Variants in ZDHHC3 observed in about 807,000 individuals in gnomAD.
ZDHHC3 encodes palmitoyltransferase ZDHHC3.
Under a neutral mutation model 30.6 loss-of-function variants are expected in ZDHHC3, and 9 were observed. The ratio of observed to expected loss-of-function variants is 0.29; its 90% confidence interval spans 0.18 to 0.51. The LOEUF (loss-of-function observed/expected upper bound fraction) is 0.51, where lower values mean the gene tolerates loss of function less well. Among genes scored for constraint, ZDHHC3 ranks in the 20% least tolerant of loss-of-function variants. ZDHHC3 has a pLI of 0.97. For missense variants in ZDHHC3, 246 were observed against 384.2 expected (o/e 0.64, Z 3.01); for synonymous variants, 136 against 140.2 (o/e 0.97, Z 0.21).
At chr3:44,956,532 T>C (rs928946137) in intron 2 of ZDHHC3, among the ~76,000 whole-genome samples, 2 of 152,160 alleles carry the variant, frequency 1.3e-5, no homozygotes, top group Non-Finnish European at 2.9e-5. Context: ...ACGTGGGAGC[T>C]CTAAAGCATT....
At chr3:44,970,637 C>T (rs1208087885) in intron 1 of ZDHHC3, among the ~76,000 whole-genome samples, 3 of 152,148 alleles carry the variant, frequency 2.0e-5, no homozygotes, top group Admixed American at 6.5e-5. Context: ...CCTCTTTTCC[C>T]GATTTGCTAA....
rs145006462 is a variant in ZDHHC3 at position 44,967,934 on chromosome 3, C to T, written c.-25+7999G>A. Among the ~76,000 whole-genome samples the T allele has an allele frequency of 6.5e-4, 99 of 152,316 alleles. No homozygotes were observed. In the East Asian group the frequency reaches 0.013, roughly 21 times the overall value. ...GAATGCCTATTATGCTTCAGGACTA[C>T]GCAAAGCAGCTCGTTTTAATTCTTA... On this transcript the variant is annotated intron_variant, in intron 1 of 6. Coordinates refer to ENST00000424952, the MANE Select transcript of ZDHHC3 (RefSeq NM_001135179.2).
chr3:44,961,615 C>T lies in ZDHHC3; in HGVS notation c.-24-2155G>A, dbSNP rs566768556. Among the ~76,000 whole-genome samples the T allele has an allele frequency of 5.9e-5, 9 of 152,228 alleles. No individual in the cohort carries two copies. In the East Asian group the frequency reaches 1.7e-3, roughly 29 times the overall value. On this transcript the variant is annotated intron_variant, in intron 1 of 6. Transcript: ENST00000424952. The stretch of plus-strand genomic sequence containing the variant: ...AGATCAGGAATGTCTGGGACCTGAC[C>T]TGTGCCCAGCAAATTCTAAAATTAC...
At position 44,945,161 on chromosome 3, in the gene ZDHHC3, A is replaced by G; in HGVS notation, c.431+7T>C. ...AGAAGAGAGGAGGCGAGCCCCAGTG[A>G]GTGTACCTGCAGTGGTGGGCTCGGT... On this transcript the variant is annotated splice_region_variant and intron_variant, in intron 3 of 6. Coordinates refer to ENST00000424952, the MANE Select transcript of ZDHHC3 (RefSeq NM_001135179.2). The G allele has an allele frequency of 6.2e-7, 1 of 1,613,756 alleles. No individual in the cohort carries two copies. Among genetic ancestry groups the G allele is most frequent in the Non-Finnish European group, 8.5e-7 (1 of 1,180,008 alleles).
In ZDHHC3 at chr3:44,917,800, G is replaced by C; in HGVS notation, c.*8889C>G. On this transcript the variant is annotated 3_prime_UTR_variant, in exon 7 of 7. Coordinates refer to ENST00000424952, the MANE Select transcript of ZDHHC3 (RefSeq NM_001135179.2). ...GGCTAAGGGAAGCACTGGGGGTGCT[G>C]GGAGCGCACCATGCCCATAAGCCCC... The C allele has an allele frequency of 8.2e-7, 1 of 1,222,040 alleles. No individual in the cohort carries two copies. The highest frequency in any genetic ancestry group is 1.1e-6 in the Non-Finnish European group (1 of 944,496). 75.7% of individuals were successfully genotyped at this position (1,222,040 alleles called of 1,614,324 possible).
chr3:44,936,893 C>T (rs536769875), intron 3 of ZDHHC3, among the ~76,000 whole-genome samples: 1 of 148,954 alleles, frequency 6.7e-6, no homozygotes, highest in African/African-American at 2.5e-5. Flanking sequence ...CCAAAACCTG[C>T]TTGAACGAAG....
In ZDHHC3 at chr3:44,918,677, C is replaced by T. The variant is rs1047334260; in HGVS notation, c.*8012G>A. Reference sequence around the variant, plus strand: ...AAGCGGGTGCTCGTACAGCAAGTGCCAACATGCATTAGGCAGCCGGAGGGC... The same window carrying T: ...AAGCGGGTGCTCGTACAGCAAGTGCTAACATGCATTAGGCAGCCGGAGGGC... On this transcript the variant is annotated 3_prime_UTR_variant, in exon 7 of 7. Transcript: ENST00000424952. 2 of 998,346 alleles carry T rather than the reference C, an allele frequency of 2.0e-6. No individual in the cohort carries two copies. The highest frequency in any genetic ancestry group is 1.0e-4 in the Admixed American group (2 of 19,056). 61.8% of individuals were successfully genotyped at this position (998,346 alleles called of 1,614,324 possible). A position where few individuals can be genotyped will look rare whatever the true frequency, so the allele number is the denominator to read the frequency against.
At chr3:44,966,686 T>C (rs1237602142) in intron 1 of ZDHHC3, among the ~76,000 whole-genome samples, 1 of 152,156 alleles carries the variant, frequency 6.6e-6, no homozygotes, top group Admixed American at 6.5e-5. Flanking sequence ...AGAAACAAAA[T>C]TGGTCAAGTA....
intron 3 of ZDHHC3, among the ~76,000 whole-genome samples, chr3:44,942,948 T>C (rs1287296424): frequency 6.6e-6 from 1 of 152,098 alleles, no homozygotes; most frequent in Non-Finnish European, 1.5e-5. Flanking sequence ...GAGTGATGGT[T>C]AGAAAACAGC....
At chr3:44,943,455 AGGTACT>A (rs1470670731) in intron 3 of ZDHHC3, among the ~76,000 whole-genome samples, 1 of 152,142 alleles carries the variant, frequency 6.6e-6, no homozygotes, top group Non-Finnish European at 1.5e-5. Context: ...CACAGCACAC[AGGTACT>A]GGGGAGCTGA....
intron 1 of ZDHHC3, among the ~76,000 whole-genome samples, chr3:44,970,258 G>A (rs1223667431): frequency 6.6e-6 from 1 of 152,210 alleles, no homozygotes; most frequent in Non-Finnish European, 1.5e-5. Context: ...CAGAAAGAAG[G>A]CTGTAATGGG....
At chr3:44,961,943 T>C (rs1047622874) in intron 1 of ZDHHC3, among the ~76,000 whole-genome samples, 1 of 152,238 alleles carries the variant, frequency 6.6e-6, no homozygotes, top group Non-Finnish European at 1.5e-5. Context: ...ATTTACTCCC[T>C]GGCTCTTTAT....
intron 1 of ZDHHC3, among the ~76,000 whole-genome samples, chr3:44,962,013 C>G (rs1704520664): frequency 6.6e-6 from 1 of 152,204 alleles, no homozygotes; most frequent in South Asian, 2.1e-4. Context: ...AATAACAGAT[C>G]CTGCTTCCCT....
intron 2 of ZDHHC3, among the ~76,000 whole-genome samples, chr3:44,952,334 T>C (rs754923945): frequency 6.6e-6 from 1 of 152,178 alleles, no homozygotes; most frequent in Non-Finnish European, 1.5e-5. Context: ...TCATCATGCC[T>C]TAGTTCAGCC....
At chr3:44,934,020 C>G (rs772887845) in intron 3 of ZDHHC3, 36 bp from the exon 4 acceptor site, 1 of 1,606,502 alleles carries the variant, frequency 6.2e-7, no homozygotes, top group Non-Finnish European at 8.5e-7. Flanking sequence ...TTAGGGCATC[C>G]CCATGGTGTT....
At chr3:44,945,023 G>T in intron 3 of ZDHHC3, 145 bp downstream of exon 3, 2 of 1,213,180 alleles carry the variant, frequency 1.6e-6, no homozygotes, top group Non-Finnish European at 1.2e-6. Context: ...ATCACTCTCT[G>T]CCCAGAGCAG....
chr3:44,963,437 A>C (rs763862000), intron 1 of ZDHHC3, among the ~76,000 whole-genome samples: 2 of 152,168 alleles, frequency 1.3e-5, no homozygotes, highest in African/African-American at 2.4e-5. Context: ...AAAAGCAACA[A>C]AAGTAGCTTT....
At chr3:44,975,747 GTCTCTCTCTCTC>G (rs144383795) in intron 1 of ZDHHC3, among the ~76,000 whole-genome samples, 174 bp downstream of exon 1, 1 of 134,718 alleles carries the variant, frequency 7.4e-6, no homozygotes, top group Non-Finnish European at 1.6e-5. Flanking sequence ...CTTAGTCGGG[GTCTCTCTCTCTC>G]TCTCTCTCTC....
At chr3:44,927,166 G>A (rs1701062846) in intron 6 of ZDHHC3, among the ~76,000 whole-genome samples, 1 of 152,170 alleles carries the variant, frequency 6.6e-6, no homozygotes, top group South Asian at 2.1e-4. Context: ...CTGGCCCCTT[G>A]TTGAGCTCTG....
Sources: gnomAD v4.1 joint callset for allele counts (sites outside exome capture counted in the v4.1 genomes callset) on GRCh38, gnomAD v4.1.1 for gene constraint, MANE v1.5 for transcripts, NCBI Gene and HGNC (gene_info 2026-07-23, HGNC 2026-07-21) for gene names.